The following LRP2BP variants were observed in gnomAD, a reference collection of about 807,000 sequenced individuals.
LRP2BP encodes the protein LRP2-binding protein.
In LRP2BP, 38 loss-of-function variants were observed where a neutral mutation model predicts 45.2. That is an observed-to-expected ratio of 0.84 (90% CI 0.65 to 1.10). LRP2BP has a LOEUF of 1.10. Ranked by LOEUF, LRP2BP falls within the 50% of genes least tolerant of loss-of-function variation. LRP2BP has a pLI of 0.00. For missense variants in LRP2BP, 385 were observed against 418.9 expected (o/e 0.92, Z 0.71); for synonymous variants, 153 against 153.9 (o/e 0.99, Z 0.04).
chr4:185,369,609 GT>G lies in LRP2BP; in HGVS notation c.978+1030del, dbSNP rs555061415. ...TATTCATGCTAAGAATGGTGTAGAG[GT>G]AAATATCTTAAAGATCAGTTGCATT... On this transcript the variant is annotated intron_variant, in intron 8 of 8. Transcript: ENST00000505916. 250 of 320,970 alleles carry G rather than the reference GT, an allele frequency of 7.8e-4. 2 individuals carry two copies. Among genetic ancestry groups the G allele is most frequent in the African/African-American group, 5.4e-3 (246 of 45,308 alleles). The allele number at this position is 320,970 out of a possible 1,614,324, so 19.9% of individuals were successfully genotyped here.
upstream of LRP2BP, chr4:185,397,191 C>G (rs1288276693): frequency 7.4e-6 from 12 of 1,613,776 alleles, no homozygotes; most frequent in Non-Finnish European, 1.0e-5. Context: ...GGGCCTCGGT[C>G]AACGCACCCC....
chr4:185,368,134 C>T (rs1235143795), intron 8 of LRP2BP, among the ~76,000 whole-genome samples: 18 of 152,234 alleles, frequency 1.2e-4, no homozygotes, highest in East Asian at 3.9e-4. Flanking sequence ...GCCGAGATTG[C>T]GCCACTGCAC....
chr4:185,382,261 C>T (rs1173744522), intron 1 of LRP2BP, among the ~76,000 whole-genome samples: 1 of 152,134 alleles, frequency 6.6e-6, no homozygotes, highest in Non-Finnish European at 1.5e-5. Context: ...AAAATCTGTT[C>T]ATCAGTTGAT....
chr4:185,384,628 G>A (rs2095465028), intron 1 of LRP2BP, among the ~76,000 whole-genome samples: 1 of 150,138 alleles, frequency 6.7e-6, no homozygotes, highest in Non-Finnish European at 1.5e-5. Flanking sequence ...TTTCATACTA[G>A]ATAATGTTCC....
chr4:185,392,435 T>C (rs1226456957), intron 1 of LRP2BP, among the ~76,000 whole-genome samples: 1 of 152,202 alleles, frequency 6.6e-6, no homozygotes, highest in African/African-American at 2.4e-5. Context: ...CCCAAGAAGT[T>C]TGAGTTATCA....
chr4:185,369,654 CTA>C (rs2095408128), intron 8 of LRP2BP: 2 of 381,510 alleles, frequency 5.2e-6, no homozygotes, highest in Non-Finnish European at 5.1e-6. Context: ...TGCTATGTGT[CTA>C]TGTTTATGTT....
At chr4:185,396,959 C>T, upstream of LRP2BP, 1 of 1,613,454 alleles carries the variant, frequency 6.2e-7, no homozygotes, top group Non-Finnish European at 8.5e-7. Context: ...AGGTGAGATT[C>T]GGGCTCACAG....
At chr4:185,373,434 A>C (rs3822303) in intron 6 of LRP2BP, among the ~76,000 whole-genome samples, 1 of 151,932 alleles carries the variant, frequency 6.6e-6, no homozygotes, top group Non-Finnish European at 1.5e-5. Context: ...GAGGAGGGGA[A>C]ACCACTGATG....
intron 1 of LRP2BP, among the ~76,000 whole-genome samples, chr4:185,385,905 A>AGCGG (rs762581661): frequency 1.1e-4 from 4 of 34,894 alleles, no homozygotes; most frequent in African/African-American, 3.9e-4. Context: ...TGTCTCGGGG[A>AGCGG]GGGGGGGGGG....
intron 1 of LRP2BP, 111 bp downstream of exon 1, chr4:185,394,668 C>A: frequency 1.3e-6 from 1 of 773,954 alleles, no homozygotes; most frequent in Non-Finnish European, 1.6e-6. Context: ...GCTCTCAATA[C>A]TGGAAGATAT....
At chr4:185,385,905 A>AGG (rs201567649) in intron 1 of LRP2BP, among the ~76,000 whole-genome samples, 5,175 of 33,170 alleles carry the variant, frequency 0.16, 482 homozygotes, top group African/African-American at 0.21. Flanking sequence ...TGTCTCGGGG[A>AGG]GGGGGGGGGG....
intron 2 of LRP2BP, chr4:185,377,262 A>T (rs1057507576): frequency 1.4e-5 from 6 of 426,452 alleles, no homozygotes; most frequent in African/African-American, 1.2e-4. Context: ...TCACGCCTGT[A>T]AATCTCAGCA....
intron 4 of LRP2BP, among the ~76,000 whole-genome samples, chr4:185,375,309 T>C (rs1178342213): frequency 2.0e-5 from 3 of 148,376 alleles, no homozygotes; most frequent in Admixed American, 1.3e-4. Flanking sequence ...CTACAAAAAT[T>C]AGCCAGGCGT....
chr4:185,385,910 G>GGC (rs1554020210), intron 1 of LRP2BP, among the ~76,000 whole-genome samples: 4 of 81,952 alleles, frequency 4.9e-5, no homozygotes, highest in African/African-American at 9.7e-5. Context: ...CGGGGAGGGG[G>GGC]GGGGGGAGAT....
chr4:185,394,360 T>C (rs951849477), intron 1 of LRP2BP, among the ~76,000 whole-genome samples: 7 of 150,354 alleles, frequency 4.7e-5, no homozygotes, highest in African/African-American at 1.7e-4. Context: ...TTAAAACACA[T>C]AGGTATAAGA....
At chr4:185,396,963 CTCACAGAGCCCGAGCTTT>C (rs2095505099), upstream of LRP2BP, 2 of 1,613,400 alleles carry the variant, frequency 1.2e-6, no homozygotes, top group East Asian at 4.5e-5. Flanking sequence ...GAGATTCGGG[CTCACAGAGCCCGAGCTTT>C]TGTCCTGCAG....
At chr4:185,373,531 C>T (rs1436792480) in intron 6 of LRP2BP, among the ~76,000 whole-genome samples, 1 of 152,218 alleles carries the variant, frequency 6.6e-6, no homozygotes, top group East Asian at 1.9e-4. Context: ...TGTATGTAGG[C>T]TCAAGCACAT....
chr4:185,367,448 TC>T (rs2126774589), intron 8 of LRP2BP, among the ~76,000 whole-genome samples: 1 of 152,300 alleles, frequency 6.6e-6, no homozygotes, highest in East Asian at 1.9e-4. Flanking sequence ...CATGTTATTC[TC>T]ATTTGAAAGA....
chr4:185,396,705 G>T, upstream of LRP2BP: 1 of 580,626 alleles, frequency 1.7e-6, no homozygotes, highest in Non-Finnish European at 3.1e-6. Context: ...TGTACGTGCG[G>T]CCGTGGCGGG....
Sources: gnomAD v4.1 joint callset for allele counts (sites outside exome capture counted in the v4.1 genomes callset) on GRCh38, gnomAD v4.1.1 for gene constraint, MANE v1.5 for transcripts, NCBI Gene and HGNC (gene_info 2026-07-23, HGNC 2026-07-21) for gene names.